The following SPTBN1 variants were observed in gnomAD, a reference collection of about 807,000 sequenced individuals.
The protein encoded by SPTBN1 is spectrin beta chain, non-erythrocytic 1.
A neutral mutation model predicts 266.4 loss-of-function variants in SPTBN1; 32 were observed. The observed-to-expected ratio is 0.12, with a 90% CI of 0.09 to 0.16. The LOEUF is 0.16. SPTBN1 is among the 10% of genes least tolerant of loss of function. The pLI, the probability that SPTBN1 is intolerant of heterozygous loss-of-function variation, is 1.00. For missense variants in SPTBN1, 2,296 were observed against 3,067.1 expected, an observed-to-expected ratio of 0.75 and a Z score of 5.94; for synonymous variants, 1,336 against 1,162.2, an observed-to-expected ratio of 1.15 and a Z score of -3.04.
chr2:54,560,795 T>C (rs1673247023), intron 2 of SPTBN1, among the ~76,000 whole-genome samples: 1 of 152,186 alleles, frequency 6.6e-6, no homozygotes. Flanking sequence ...TGTTGAGGAA[T>C]TGAGAAAGGG....
chr2:54,643,171 C>T (rs779910658), intron 19 of SPTBN1, 42 bp downstream of exon 19: 4 of 1,611,568 alleles, frequency 2.5e-6, no homozygotes, highest in Non-Finnish European at 2.5e-6. Context: ...AGAAAACAAA[C>T]AGGGTAGTAA....
rs145396255 is a variant in SPTBN1 at position 54,601,300 on chromosome 2, C to T, written c.300+2057C>T. On this transcript the variant is annotated intron_variant, in intron 3 of 35. Coordinates refer to ENST00000356805, the MANE Select transcript of SPTBN1 (RefSeq NM_003128.3). ...TTTTCTTATTCCAAAAATAAAGATA[C>T]CATAGATAGAGTGCTCTTAAAGCTC... is the stretch of plus-strand genomic sequence containing the variant. Among the ~76,000 whole-genome samples, 99 of 152,246 alleles carry T rather than the reference C, an allele frequency of 6.5e-4. 1 individual carries two copies. The highest frequency in any genetic ancestry group is 1.9e-3 in the African/African-American group (80 of 41,524).
At chr2:54,579,375 C>T (rs1388492699) in intron 2 of SPTBN1, among the ~76,000 whole-genome samples, 1 of 152,108 alleles carries the variant, frequency 6.6e-6, no homozygotes, top group Non-Finnish European at 1.5e-5. Flanking sequence ...CATGTGTGAC[C>T]ATTATTTGGG....
intron 2 of SPTBN1, among the ~76,000 whole-genome samples, chr2:54,598,434 T>C (rs1166849246): frequency 1.4e-5 from 2 of 147,944 alleles, no homozygotes; most frequent in Non-Finnish European, 3.0e-5. Context: ...ATGCCTGCGA[T>C]GTCTTTGCAC....
At chr2:54,508,659 A>C (rs891392855) in intron 1 of SPTBN1, among the ~76,000 whole-genome samples, 1 of 152,080 alleles carries the variant, frequency 6.6e-6, no homozygotes, top group African/African-American at 2.4e-5. Context: ...GTGGGAAGAG[A>C]TGGGTGGAAG....
At chr2:54,616,866 G>A (rs1168077371) in intron 5 of SPTBN1, among the ~76,000 whole-genome samples, 2 of 152,114 alleles carry the variant, frequency 1.3e-5, no homozygotes, top group Non-Finnish European at 2.9e-5. Context: ...CCAATTTTAG[G>A]TTAATTAGAT....
intron 3 of SPTBN1, among the ~76,000 whole-genome samples, chr2:54,603,562 G>A (rs1676639656): frequency 6.6e-6 from 1 of 152,102 alleles, no homozygotes; most frequent in Non-Finnish European, 1.5e-5. Context: ...GCCCTTAGGA[G>A]TGGGTCCCAG....
intron 2 of SPTBN1, chr2:54,559,035 G>A (rs1156889954): frequency 1.2e-6 from 1 of 867,122 alleles, no homozygotes; most frequent in African/African-American, 1.7e-5. Flanking sequence ...ACGACTTAGG[G>A]AAGGCAGTTG....
At chr2:54,512,156 C>T (rs1163126929) in intron 1 of SPTBN1, among the ~76,000 whole-genome samples, 2 of 152,162 alleles carry the variant, frequency 1.3e-5, no homozygotes, top group Admixed American at 6.5e-5. Flanking sequence ...AGCTGTACTT[C>T]GCTTGCTTGT....
At chr2:54,559,531 G>A (rs1673133243) in intron 2 of SPTBN1, among the ~76,000 whole-genome samples, 1 of 152,120 alleles carries the variant, frequency 6.6e-6, no homozygotes, top group African/African-American at 2.4e-5. Flanking sequence ...TCTTTTTAAG[G>A]CTCAGACAAT....
intron 17 of SPTBN1, among the ~76,000 whole-genome samples, chr2:54,637,170 T>C (rs1444479862): frequency 6.6e-6 from 1 of 152,220 alleles, no homozygotes. Flanking sequence ...CCCTTATCAA[T>C]TGATTAAAAG....
intron 1 of SPTBN1, among the ~76,000 whole-genome samples, chr2:54,478,910 A>ATC (rs1558761777): frequency 7.3e-6 from 1 of 136,598 alleles, no homozygotes; most frequent in East Asian, 2.5e-4. Context: ...GTGTATATAT[A>ATC]TGTGTATATA....
At chr2:54,634,526 C>A (rs146581409) in intron 17 of SPTBN1, among the ~76,000 whole-genome samples, 33 of 152,254 alleles carry the variant, frequency 2.2e-4, no homozygotes, top group African/African-American at 7.2e-4. Flanking sequence ...TTATTTTTCT[C>A]CATTGATGTT....
At chr2:54,528,744 G>A (rs1326498043) in intron 2 of SPTBN1, 3 of 151,712 alleles carry the variant, frequency 2.0e-5, no homozygotes, top group Non-Finnish European at 4.4e-5. Flanking sequence ...AGAGAGCATT[G>A]CTAGTGAGGT....
chr2:54,610,121 G>C (rs1312657785), intron 3 of SPTBN1, among the ~76,000 whole-genome samples: 1 of 138,178 alleles, frequency 7.2e-6, no homozygotes, highest in African/African-American at 2.8e-5. Flanking sequence ...CTCATCTGCT[G>C]CCTCTTGGTC....
Position 54,599,207 on chromosome 2 carries a change from C to A in SPTBN1, c.264C>A (p.Leu88=). ...CTGACCTTCGAGATGGACGGATGCT[C>A]ATCAAGCTGCTGGAGGTCCTCTCTG... is the stretch of plus-strand genomic sequence containing the variant. The part of the protein sequence containing the change: ...LYTDLRDGRM[L]IKLLEVLSGE... Residue 88 remains leucine, a synonymous_variant, in exon 3 of 36, where the codon CTC becomes CTA. Coordinates refer to ENST00000356805, the MANE Select transcript of SPTBN1 (RefSeq NM_003128.3). The A allele has an allele frequency of 1.2e-6, 2 of 1,614,156 alleles. No homozygotes were observed. The highest frequency in any genetic ancestry group is 1.7e-6 in the Non-Finnish European group (2 of 1,180,040).
chr2:54,528,419 C>T (rs1337248159), intron 2 of SPTBN1: 1 of 152,602 alleles, frequency 6.6e-6, no homozygotes, highest in Non-Finnish European at 1.5e-5. Flanking sequence ...CTTAACCTTT[C>T]TAGGATGTTT....
intron 18 of SPTBN1, 86 bp downstream of exon 18, chr2:54,637,889 T>C: frequency 8.5e-7 from 1 of 1,175,834 alleles, no homozygotes; most frequent in South Asian, 1.4e-5. Context: ...TTTTGAATTA[T>C]AAAATTAATG....
chr2:54,530,588 A>T (rs1004967702), intron 2 of SPTBN1, among the ~76,000 whole-genome samples: 1 of 151,898 alleles, frequency 6.6e-6, no homozygotes, highest in Non-Finnish European at 1.5e-5. Flanking sequence ...CGATCTCCTG[A>T]CCTCATGATC....
Sources: gnomAD v4.1 joint callset for allele counts (sites outside exome capture counted in the v4.1 genomes callset) on GRCh38, gnomAD v4.1.1 for gene constraint, MANE v1.5 for transcripts, NCBI Gene and HGNC (gene_info 2026-07-23, HGNC 2026-07-21) for gene names.